The following NBEA variants were observed in gnomAD, a reference collection of about 807,000 sequenced individuals.
NBEA encodes lysosomal-trafficking regulator 2.
A neutral mutation model predicts 343.4 loss-of-function variants in NBEA; 44 were observed. The observed-to-expected ratio is 0.13, with a 90% CI of 0.10 to 0.16. The LOEUF is 0.16. NBEA is among the 10% of genes least tolerant of loss of function. NBEA has a pLI of 1.00. For missense variants in NBEA, 2,555 were observed against 3,631.3 expected (o/e 0.70, Z 7.62); for synonymous variants, 1,175 against 1,238.7 (o/e 0.95, Z 1.08).
intron 50 of NBEA, among the ~76,000 whole-genome samples, 157 bp downstream of exon 50, chr13:35,646,088 C>T (rs1390967995): frequency 6.6e-6 from 1 of 152,168 alleles, no homozygotes; most frequent in African/African-American, 2.4e-5. Flanking sequence ...CAAAGCTTGT[C>T]TACAAAATAC....
At chr13:35,650,164 C>CT (rs1040297591) in intron 52 of NBEA, among the ~76,000 whole-genome samples, 2 of 152,162 alleles carry the variant, frequency 1.3e-5, no homozygotes, top group Non-Finnish European at 2.9e-5. Flanking sequence ...ATACACCCTT[C>CT]TTTTTTCCTA....
chr13:35,190,823 C>T (rs902978741), intron 30 of NBEA, among the ~76,000 whole-genome samples: 2 of 152,124 alleles, frequency 1.3e-5, no homozygotes, highest in African/African-American at 4.8e-5. Context: ...ACAGAACTTA[C>T]TAGACGGACA....
chr13:35,045,514 G>A (rs1361357609), intron 4 of NBEA, 113 bp downstream of exon 4: 1 of 794,036 alleles, frequency 1.3e-6, no homozygotes, highest in Non-Finnish European at 1.9e-6. Flanking sequence ...AACTTGATGA[G>A]TTTGGAAGTC....
At chr13:35,007,974 A>G (rs1489659600) in intron 1 of NBEA, among the ~76,000 whole-genome samples, 1 of 152,148 alleles carries the variant, frequency 6.6e-6, no homozygotes, top group Non-Finnish European at 1.5e-5. Flanking sequence ...TGTCTGAATA[A>G]AGTATATAAA....
At chr13:35,102,522 A>G (rs1462583989) in intron 11 of NBEA, among the ~76,000 whole-genome samples, 1 of 151,704 alleles carries the variant, frequency 6.6e-6, no homozygotes, top group African/African-American at 2.4e-5. Context: ...TACTTGGTAT[A>G]TTCTTTTACT....
intron 1 of NBEA, among the ~76,000 whole-genome samples, chr13:34,967,535 T>A (rs1405453405): frequency 6.6e-6 from 1 of 152,004 alleles, no homozygotes; most frequent in Non-Finnish European, 1.5e-5. Context: ...CAAGTAGTAA[T>A]ATCCTGGGAA....
chr13:34,956,766 A>C (rs1343649040), intron 1 of NBEA, among the ~76,000 whole-genome samples: 1 of 152,174 alleles, frequency 6.6e-6, no homozygotes, highest in Non-Finnish European at 1.5e-5. Flanking sequence ...GGTGGCATTA[A>C]GTGATTTCAC....
chr13:35,476,932 T>C (rs2075899233), intron 41 of NBEA: 1 of 541,434 alleles, frequency 1.8e-6, no homozygotes, highest in Non-Finnish European at 2.4e-6. Flanking sequence ...TTGAAGCATA[T>C]TGACGTTTTG....
At chr13:35,209,097 A>G (rs925074779) in intron 32 of NBEA, among the ~76,000 whole-genome samples, 1 of 152,134 alleles carries the variant, frequency 6.6e-6, no homozygotes. Flanking sequence ...GTTTATTTTC[A>G]GAGTGAAATC....
intron 41 of NBEA, among the ~76,000 whole-genome samples, chr13:35,526,509 A>T (rs1406636133): frequency 1.3e-5 from 2 of 152,178 alleles, no homozygotes; most frequent in Non-Finnish European, 2.9e-5. Flanking sequence ...TTGGTGATGC[A>T]CGCCTCTGGT....
At position 35,457,834 on chromosome 13, in the gene NBEA, C is replaced by T. The variant is rs148393363; in HGVS notation, c.6448+5599C>T. Among the ~76,000 whole-genome samples the T allele has an allele frequency of 1.9e-3, 281 of 151,338 alleles. 3 individuals are homozygous for T. Among genetic ancestry groups the T allele is most frequent in the African/African-American group, 6.2e-3 (258 of 41,486 alleles). ...CGTGTTAGCCGTATGGTCTCAATCT[C>T]CTGACCTCGTGATCCGCCCACCTTG... On this transcript the variant is annotated intron_variant, in intron 40 of 58. Coordinates refer to ENST00000379939, the MANE Select transcript of NBEA (RefSeq NM_001385012.1).
chr13:35,290,798 T>C (rs2035756991), intron 35 of NBEA, among the ~76,000 whole-genome samples: 1 of 151,396 alleles, frequency 6.6e-6, no homozygotes, highest in Admixed American at 6.6e-5. Context: ...ATCTTGTATC[T>C]TCTTCTCTTA....
chr13:35,405,269 A>G (rs2152911114), intron 38 of NBEA, among the ~76,000 whole-genome samples: 1 of 152,290 alleles, frequency 6.6e-6, no homozygotes, highest in Admixed American at 6.5e-5. Context: ...GAACTGTTAC[A>G]TCCATATGAA....
intron 38 of NBEA, among the ~76,000 whole-genome samples, chr13:35,355,569 G>A (rs2040446308): frequency 6.6e-6 from 1 of 152,080 alleles, no homozygotes; most frequent in African/African-American, 2.4e-5. Context: ...TTGAACGCTT[G>A]CTGCAGAGGT....
intron 40 of NBEA, among the ~76,000 whole-genome samples, chr13:35,468,253 A>G (rs2075482405): frequency 6.6e-6 from 1 of 152,186 alleles, no homozygotes; most frequent in East Asian, 1.9e-4. Context: ...CAGCTAGGCC[A>G]TGGCGTTCTC....
intron 30 of NBEA, chr13:35,185,210 CA>C (rs1173562681): frequency 6.6e-6 from 1 of 152,140 alleles, no homozygotes; most frequent in Non-Finnish European, 1.5e-5. Context: ...AGCTGACAGC[CA>C]GCAAGAAAGT....
intron 35 of NBEA, among the ~76,000 whole-genome samples, chr13:35,303,201 C>A (rs2036669592): frequency 6.6e-6 from 1 of 151,944 alleles, no homozygotes; most frequent in Non-Finnish European, 1.5e-5. Flanking sequence ...AAAATGAGAA[C>A]CCAGTTAGAT....
intron 8 of NBEA, among the ~76,000 whole-genome samples, chr13:35,063,091 G>T (rs2063522112): frequency 1.3e-5 from 2 of 151,920 alleles, no homozygotes; most frequent in East Asian, 3.9e-4. Flanking sequence ...CAAATGAAAG[G>T]TAACAAAAGC....
At chr13:35,235,888 T>A (rs542280869) in intron 34 of NBEA, among the ~76,000 whole-genome samples, 1 of 152,314 alleles carries the variant, frequency 6.6e-6, no homozygotes, top group East Asian at 1.9e-4. Context: ...GATTTTTTTT[T>A]AATGTAACTA....
Sources: gnomAD v4.1 joint callset for allele counts (sites outside exome capture counted in the v4.1 genomes callset) on GRCh38, gnomAD v4.1.1 for gene constraint, MANE v1.5 for transcripts, NCBI Gene and HGNC (gene_info 2026-07-23, HGNC 2026-07-21) for gene names.